The following PYY variants were observed in gnomAD, a reference collection of about 807,000 sequenced individuals.
The protein encoded by PYY is peptide YY.
A neutral mutation model predicts 10.3 loss-of-function variants in PYY; 12 were observed. The observed-to-expected ratio is 1.17, with a 90% CI of 0.75 to 1.89. The LOEUF is 1.89. Ranked by LOEUF, PYY falls within the 40% of genes most tolerant of loss-of-function variation. The pLI is 0.00. For missense variants in PYY, 141 were observed against 134.0 expected, an observed-to-expected ratio of 1.05 and a Z score of -0.26; for synonymous variants, 66 against 62.0, an observed-to-expected ratio of 1.06 and a Z score of -0.30.
At chr17:43,973,885 G>A (rs554053735) in intron 1 of PYY, among the ~76,000 whole-genome samples, 1 of 152,198 alleles carries the variant, frequency 6.6e-6, no homozygotes, top group Non-Finnish European at 1.5e-5. Context: ...GGTCACGAAG[G>A]GCCTTCGTGC....
At chr17:43,986,920 T>C (rs2048919388) in intron 1 of PYY, among the ~76,000 whole-genome samples, 1 of 152,212 alleles carries the variant, frequency 6.6e-6, no homozygotes. Flanking sequence ...ACAGCAATCC[T>C]ATGAGGTTCA....
In PYY at chr17:43,975,984, A is replaced by G. The variant is rs543251167; in HGVS notation, c.-462-9452T>C. 3.5e-3 allele frequency among the ~76,000 whole-genome samples: 250 copies of G among 70,788 alleles called. 62 individuals are homozygous for G. The highest frequency in any genetic ancestry group is 4.8e-3 in the Non-Finnish European group (205 of 42,698). The allele number at this position is 70,788 out of a possible 152,430, so 46.4% of individuals were successfully genotyped here. ...CATACACGTGTCTACGTACGTGTACATACACGTGTCTACGTACGTGTACAT... is the reference window on the plus strand; with the variant it reads ...CATACACGTGTCTACGTACGTGTACGTACACGTGTCTACGTACGTGTACAT... On this transcript the variant is annotated intron_variant, in intron 1 of 6. Coordinates refer to the PYY transcript ENST00000360085.
chr17:43,970,966 C>A (rs577406240), intron 1 of PYY, among the ~76,000 whole-genome samples: 1 of 152,110 alleles, frequency 6.6e-6, no homozygotes, highest in African/African-American at 2.4e-5. Flanking sequence ...ACTCAGTTAC[C>A]CATTGAAAGA....
At position 43,987,716 on chromosome 17, in the gene PYY, A is replaced by G. The variant is rs2048924448; in HGVS notation, c.-463+16675T>C. ...GTCTGTGCCAGTCCTTGCTCCAGGCACTGAGAGGAGGCCAGTGCCTGTTGT... is the reference window on the plus strand; with the variant it reads ...GTCTGTGCCAGTCCTTGCTCCAGGCGCTGAGAGGAGGCCAGTGCCTGTTGT... On this transcript the variant is annotated intron_variant, in intron 1 of 6. Transcript: ENST00000360085. The surrounding 1 kb of genome is among the most constrained non-coding windows in gnomAD (Gnocchi z 4.0). Among the ~76,000 whole-genome samples, 3 of 152,318 alleles carry G rather than the reference A, an allele frequency of 2.0e-5. No individual in the cohort carries two copies. Among genetic ancestry groups the G allele is most frequent in the African/African-American group, 7.2e-5 (3 of 41,564 alleles).
chr17:43,994,999 C>A (rs946992323), intron 1 of PYY, among the ~76,000 whole-genome samples: 3 of 152,214 alleles, frequency 2.0e-5, no homozygotes, highest in Non-Finnish European at 4.4e-5. Context: ...CCCCGCAGGG[C>A]AGGCGGACCC....
intron 1 of PYY, among the ~76,000 whole-genome samples, chr17:43,984,948 A>G (rs62080326): frequency 0.14 from 21,963 of 152,172 alleles, 2,024 homozygotes; most frequent in Non-Finnish European, 0.21. Flanking sequence ...AAGTTGTTAT[A>G]TAACTTTTAT....
chr17:43,963,626 GAGAAAGAAAGAAAA>G (rs2048734127), intron 2 of PYY, among the ~76,000 whole-genome samples: 1 of 82,032 alleles, frequency 1.2e-5, no homozygotes, highest in Non-Finnish European at 2.5e-5. Flanking sequence ...AAGAAAGAAA[GAGAAAGAAAGAAAA>G]GAGAGAACAG....
chr17:43,956,320 G>A (rs1276124462), upstream of PYY, among the ~76,000 whole-genome samples: 2 of 152,028 alleles, frequency 1.3e-5, no homozygotes, highest in Non-Finnish European at 2.9e-5. Flanking sequence ...TACAGGGCAA[G>A]CTGATTGGTT....
chr17:43,999,979 C>T (rs924680601), intron 1 of PYY, among the ~76,000 whole-genome samples: 2 of 152,090 alleles, frequency 1.3e-5, no homozygotes, highest in African/African-American at 4.8e-5. Context: ...AGAGCAGAGA[C>T]ATGGGTGCCT....
chr17:43,970,201 TAAAAAAA>T (rs59609569), intron 1 of PYY, among the ~76,000 whole-genome samples: 1,770 of 95,590 alleles, frequency 0.019, 37 homozygotes, highest in African/African-American at 0.06. Context: ...CCCTGTCTCT[TAAAAAAA>T]AAAAAAAAAA....
intron 1 of PYY, among the ~76,000 whole-genome samples, chr17:43,970,545 T>C (rs1017903851): frequency 6.7e-6 from 1 of 148,962 alleles, no homozygotes; most frequent in Non-Finnish European, 1.5e-5. Context: ...ACAGGTGAAA[T>C]GACAGATAGC....
At chr17:43,983,269 A>AC in intron 1 of PYY, among the ~76,000 whole-genome samples, 3 of 152,092 alleles carry the variant, frequency 2.0e-5, no homozygotes, top group African/African-American at 7.2e-5. Context: ...AACAACAACA[A>AC]AAACGCAGCT....
rs370169460 is a variant in PYY, at chr17:44,002,018, G to A, written c.-463+2373C>T. 3.3e-4 allele frequency among the ~76,000 whole-genome samples: 50 copies of A among 152,308 alleles called. 1 individual carries two copies. The highest frequency in any genetic ancestry group is 1.1e-3 in the African/African-American group (46 of 41,562). On this transcript the variant is annotated intron_variant, in intron 1 of 6. Transcript: ENST00000360085. ...GAGAAGTGTGTGTGTGGCCGGGCCT[G>A]AGAGTAAAGAGGGAAGAGAAAGAAG...
intron 1 of PYY, among the ~76,000 whole-genome samples, chr17:43,979,739 C>T (rs1025069495): frequency 2.6e-5 from 3 of 117,066 alleles, no homozygotes; most frequent in African/African-American, 1.0e-4. Flanking sequence ...AGCAGACCAG[C>T]GGTGGGGGGA....
chr17:43,962,863 A>G (rs2048722197), intron 2 of PYY, among the ~76,000 whole-genome samples: 1 of 152,192 alleles, frequency 6.6e-6, no homozygotes, highest in Admixed American at 6.5e-5. Context: ...AAGGGCCTGG[A>G]GAAGTTCTTG....
At chr17:43,973,592 C>G (rs180998764) in intron 1 of PYY, among the ~76,000 whole-genome samples, 1 of 152,128 alleles carries the variant, frequency 6.6e-6, no homozygotes, top group African/African-American at 2.4e-5. Flanking sequence ...TCCAGGAGTT[C>G]GAGATCAGCC....
At chr17:43,958,667 AC>A (rs1368892718), upstream of PYY, among the ~76,000 whole-genome samples, 1 of 152,214 alleles carries the variant, frequency 6.6e-6, no homozygotes, top group Non-Finnish European at 1.5e-5. Flanking sequence ...AGTGTGAGCC[AC>A]CACACCCGGC....
rs1401577272 is a variant in PYY at position 43,953,167 on chromosome 17, C to T, written c.211G>A (p.Asp71Asn). The change falls in exon 3 of 4, where the codon GAC (aspartate) becomes AAC (asparagine). Residue 71 changes from aspartate to asparagine, a missense_variant. Coordinates refer to ENST00000692052, the MANE Select transcript of PYY (RefSeq NM_001394028.1). ...AAGAACGTTTTGGAAAGAAGCGTGT[C>T]CGGGCCGTCTCTTTTCCCATACCTG... ...RQRYGKRDGP[D>N]TLLSKTFFPD... 1.2e-6 allele frequency: 2 copies of T among 1,613,792 alleles called. No individual in the cohort carries two copies. The highest frequency in any genetic ancestry group is 1.6e-4 in the Middle Eastern group (1 of 6,078).
chr17:43,992,789 G>A (rs886804586), intron 1 of PYY, among the ~76,000 whole-genome samples: 6 of 152,186 alleles, frequency 3.9e-5, no homozygotes, highest in African/African-American at 1.4e-4. Flanking sequence ...GGGAGGCTGA[G>A]GCACGCGAAT....
Sources: gnomAD v4.1 joint callset for allele counts (sites outside exome capture counted in the v4.1 genomes callset) on GRCh38, gnomAD v4.1.1 for gene constraint, Gnocchi (gnomAD v3.1) non-coding constraint, MANE v1.5 for transcripts, NCBI Gene and HGNC (gene_info 2026-07-23, HGNC 2026-07-21) for gene names.